Variants in LYRM4 observed in about 807,000 individuals in gnomAD.
The protein encoded by LYRM4 is LYR motif containing 4, also known as LYR motif-containing protein 4.
Under a neutral mutation model 11.7 loss-of-function variants are expected in LYRM4, and 9 were observed. The ratio of observed to expected loss-of-function variants is 0.77; its 90% CI spans 0.46 to 1.34. The LOEUF (loss-of-function observed/expected upper bound fraction) is 1.34. LYRM4 is among the 40% of genes most tolerant of loss of function. LYRM4 has a pLI of 0.00. For synonymous variants in LYRM4, 42 were observed against 40.4 expected, an observed-to-expected ratio of 1.04 and a Z score of -0.15; for missense variants, 133 against 112.5, an observed-to-expected ratio of 1.18 and a Z score of -0.82.
chr6:5,153,397 C>T (rs1372190693), intron 2 of LYRM4, among the ~76,000 whole-genome samples: 1 of 152,196 alleles, frequency 6.6e-6, no homozygotes, highest in Non-Finnish European at 1.5e-5. Flanking sequence ...GGCGCCCTTG[C>T]TAATCTTAAA....
downstream of LYRM4, chr6:5,107,880 C>T (rs1370023935): frequency 6.6e-6 from 1 of 152,160 alleles, no homozygotes; most frequent in Non-Finnish European, 1.5e-5. Context: ...GTGGCAGGCC[C>T]CTGTAATCCC....
At chr6:5,091,378 G>A in the LYRM4 span, among the ~76,000 whole-genome samples, 2 of 152,202 alleles carry the variant, frequency 1.3e-5, no homozygotes, top group Non-Finnish European at 1.5e-5. Flanking sequence ...CTTGTGAACT[G>A]TTGTGTTCCT....
the LYRM4 span, chr6:5,085,207 C>T: frequency 4.5e-6 from 2 of 442,310 alleles, no homozygotes; most frequent in South Asian, 9.1e-5. Flanking sequence ...CCTCCCCGCC[C>T]CCGGCCCTCC....
the LYRM4 span, chr6:5,033,528 C>G: frequency 6.6e-6 from 1 of 152,172 alleles, no homozygotes; most frequent in Non-Finnish European, 1.5e-5. Flanking sequence ...CTCAGGTCAG[C>G]TCCCCTGAGG....
At chr6:5,085,257 C>T in the LYRM4 span, 1 of 461,928 alleles carries the variant, frequency 2.2e-6, no homozygotes, top group South Asian at 4.5e-5. Context: ...GGCGTGGCCC[C>T]GGAGCCGGCC....
chr6:5,128,497 T>G (rs1354854337), intron 2 of LYRM4, among the ~76,000 whole-genome samples: 7 of 152,258 alleles, frequency 4.6e-5, no homozygotes, highest in Non-Finnish European at 1.0e-4. Flanking sequence ...CAAGGCTGCC[T>G]GGCTGACAGA....
At chr6:5,247,905 A>G (rs936572772) in intron 1 of LYRM4, among the ~76,000 whole-genome samples, 2 of 152,240 alleles carry the variant, frequency 1.3e-5, no homozygotes, top group African/African-American at 4.8e-5. Context: ...TAATCGGCAA[A>G]TTATTAACAT....
intron 2 of LYRM4, among the ~76,000 whole-genome samples, chr6:5,204,785 G>A (rs982245717): frequency 6.6e-6 from 1 of 152,112 alleles, no homozygotes; most frequent in African/African-American, 2.4e-5. Flanking sequence ...AACCTCTATC[G>A]ATTGAGATCT....
chr6:5,089,895 A>T, the LYRM4 span, among the ~76,000 whole-genome samples: 1 of 152,234 alleles, frequency 6.6e-6, no homozygotes. Context: ...AGCAAACATT[A>T]TGCAGTGAAA....
intron 2 of LYRM4, among the ~76,000 whole-genome samples, chr6:5,130,300 C>T (rs184760132): frequency 5.8e-4 from 85 of 146,336 alleles, no homozygotes; most frequent in Non-Finnish European, 3.5e-4. Flanking sequence ...ACGTGTGAGC[C>T]CTGGGAATCT....
the LYRM4 span, among the ~76,000 whole-genome samples, chr6:5,052,452 G>T: frequency 6.6e-6 from 1 of 152,094 alleles, no homozygotes; most frequent in Non-Finnish European, 1.5e-5. Flanking sequence ...TACAGTGTAT[G>T]CCTTTTTTTT....
intron 2 of LYRM4, among the ~76,000 whole-genome samples, chr6:5,179,619 T>C (rs575516408): frequency 6.6e-6 from 1 of 152,370 alleles, no homozygotes; most frequent in East Asian, 1.9e-4. Flanking sequence ...TTTTTAAGGC[T>C]GCATAATATT....
intron 2 of LYRM4, among the ~76,000 whole-genome samples, chr6:5,130,681 C>A (rs1294501745): frequency 6.6e-6 from 1 of 152,042 alleles, no homozygotes; most frequent in Admixed American, 6.5e-5. Context: ...TCGGGAAAAA[C>A]AACTAGTCAG....
chr6:5,157,374 C>T (rs1225348925), intron 2 of LYRM4, among the ~76,000 whole-genome samples: 1 of 152,038 alleles, frequency 6.6e-6, no homozygotes, highest in Admixed American at 6.6e-5. Flanking sequence ...TTGCCAGGTT[C>T]GGATTGTCGT....
intron 1 of LYRM4, among the ~76,000 whole-genome samples, chr6:5,240,315 C>T (rs1423519868): frequency 6.6e-6 from 1 of 152,112 alleles, no homozygotes; most frequent in Admixed American, 6.5e-5. Flanking sequence ...AACACTACTC[C>T]CCCTCCTCTG....
chr6:5,194,804 G>A lies in LYRM4; in HGVS notation c.207+21814C>T, dbSNP rs533378209. 2.6e-5 allele frequency among the ~76,000 whole-genome samples: 4 copies of A among 152,300 alleles called. No individual in the cohort carries two copies. In the East Asian group the frequency reaches 7.7e-4, roughly 29 times the overall value. On this transcript the variant is annotated intron_variant, in intron 2 of 2. Coordinates refer to ENST00000330636, the MANE Select transcript of LYRM4 (RefSeq NM_020408.6). ...AGTGGCACGATCATAGCTCACTGCA[G>A]CCTCAAACTCCTGGGCTCAAGTGAT...
At chr6:5,252,261 T>C (rs960443239) in intron 1 of LYRM4, among the ~76,000 whole-genome samples, 2 of 152,182 alleles carry the variant, frequency 1.3e-5, no homozygotes, top group African/African-American at 4.8e-5. Flanking sequence ...AGAATGGGGT[T>C]GTGGAAGCGG....
chr6:5,112,266 C>T (rs1762916945), intron 2 of LYRM4, among the ~76,000 whole-genome samples: 1 of 152,218 alleles, frequency 6.6e-6, no homozygotes, highest in African/African-American at 2.4e-5. Context: ...CCTTCTCCAC[C>T]CCCCTGAGAG....
At chr6:5,146,190 T>C (rs998277355) in intron 2 of LYRM4, among the ~76,000 whole-genome samples, 1 of 152,168 alleles carries the variant, frequency 6.6e-6, no homozygotes. Context: ...GGCAGTTTAG[T>C]AGCATGTTTC....
Sources: gnomAD v4.1 joint callset for allele counts (sites outside exome capture counted in the v4.1 genomes callset) on GRCh38, gnomAD v4.1.1 for gene constraint, MANE v1.5 for transcripts, NCBI Gene and HGNC (gene_info 2026-07-23, HGNC 2026-07-21) for gene names.